USH2A: variants seen among roughly 807,000 people sequenced by gnomAD.
USH2A encodes the protein Usher syndrome 2A (autosomal recessive, mild).
Under a neutral mutation model 538.9 loss-of-function variants are expected in USH2A, and 443 were observed. The observed-to-expected ratio is 0.82, with a 90% CI of 0.76 to 0.89. The LOEUF is 0.89. USH2A is among the 40% of genes least tolerant of loss of function. USH2A has a pLI of 0.00. For synonymous variants in USH2A, 2,413 were observed against 2,273.5 expected, an observed-to-expected ratio of 1.06 and a Z score of -1.75; for missense variants, 6,633 against 6,324.8, an observed-to-expected ratio of 1.05 and a Z score of -1.65.
intron 58 of USH2A, among the ~76,000 whole-genome samples, chr1:215,745,734 T>C (rs984577797): frequency 6.6e-6 from 1 of 152,224 alleles, no homozygotes; most frequent in African/African-American, 2.4e-5. Flanking sequence ...TAGGCCCATC[T>C]GATATCAACA....
chr1:215,675,936 A>G (rs1441913329), intron 62 of USH2A, among the ~76,000 whole-genome samples: 2 of 151,900 alleles, frequency 1.3e-5, no homozygotes, highest in Admixed American at 1.3e-4. Flanking sequence ...TCCTATTTGT[A>G]TTTTTTTAAA....
At chr1:215,742,192 A>G (rs991259536) in intron 59 of USH2A, among the ~76,000 whole-genome samples, 3 of 152,216 alleles carry the variant, frequency 2.0e-5, no homozygotes, top group African/African-American at 7.2e-5. Context: ...ATTTCTGATG[A>G]GTTCAGCAGA....
intron 9 of USH2A, among the ~76,000 whole-genome samples, chr1:216,312,632 T>G (rs560280234): frequency 3.3e-5 from 5 of 152,146 alleles, no homozygotes; most frequent in Admixed American, 1.3e-4. Flanking sequence ...TAGCTTTTCT[T>G]TTTGCTTCTT....
chr1:216,294,979 A>G (rs1319876766), intron 9 of USH2A, among the ~76,000 whole-genome samples: 1 of 151,788 alleles, frequency 6.6e-6, no homozygotes, highest in Non-Finnish European at 1.5e-5. Flanking sequence ...TTTTAAATAT[A>G]CAGTTATATT....
intron 32 of USH2A, among the ~76,000 whole-genome samples, chr1:216,006,741 T>C (rs559228629): frequency 6.6e-6 from 1 of 152,212 alleles, no homozygotes; most frequent in Non-Finnish European, 1.5e-5. Flanking sequence ...GGGTTTACAT[T>C]GAAGCCCTTA....
chr1:216,117,757 C>G (rs1275006843), intron 21 of USH2A, among the ~76,000 whole-genome samples: 1 of 151,268 alleles, frequency 6.6e-6, no homozygotes, highest in Admixed American at 6.6e-5. Context: ...TCACTCTGAC[C>G]TCATATACAC....
intron 21 of USH2A, among the ~76,000 whole-genome samples, chr1:216,129,465 C>T (rs901019700): frequency 6.6e-6 from 1 of 151,408 alleles, no homozygotes; most frequent in African/African-American, 2.4e-5. Context: ...CATTTGTAAT[C>T]GCCACAAATA....
intron 21 of USH2A, chr1:216,173,841 A>T (rs1375679138): frequency 1.9e-6 from 1 of 528,178 alleles, no homozygotes; most frequent in Non-Finnish European, 2.4e-6. Flanking sequence ...GAAGAAACAC[A>T]TCTCAAGCCA....
chr1:216,035,139 T>C (rs547286327), intron 32 of USH2A, among the ~76,000 whole-genome samples: 35 of 152,312 alleles, frequency 2.3e-4, no homozygotes, highest in Admixed American at 1.1e-3. Context: ...TAGAATGTTA[T>C]TAATCACAGC....
intron 38 of USH2A, among the ~76,000 whole-genome samples, chr1:215,924,503 A>G (rs1666185953): frequency 6.6e-6 from 1 of 152,116 alleles, no homozygotes; most frequent in Non-Finnish European, 1.5e-5. Flanking sequence ...GAGGAACAAG[A>G]TATTATTTTA....
At chr1:215,752,443 G>A (rs1175912905) in intron 58 of USH2A, among the ~76,000 whole-genome samples, 4 of 152,144 alleles carry the variant, frequency 2.6e-5, no homozygotes, top group East Asian at 3.8e-4. Flanking sequence ...ATGGGAGACA[G>A]GGGAATATTT....
At chr1:215,635,705 G>A (rs1004056894) in intron 69 of USH2A, among the ~76,000 whole-genome samples, 85 of 151,938 alleles carry the variant, frequency 5.6e-4, no homozygotes, top group African/African-American at 1.9e-3. Flanking sequence ...ACAGGTGTGC[G>A]CCACTATGCC....
At chr1:215,796,115 C>T (rs995555371) in intron 50 of USH2A, among the ~76,000 whole-genome samples, 4 of 152,116 alleles carry the variant, frequency 2.6e-5, no homozygotes, top group South Asian at 2.1e-4. Context: ...AGTCTGCATT[C>T]GATCTGTTGC....
chr1:215,996,191 G>A (rs1668131399), intron 34 of USH2A, among the ~76,000 whole-genome samples: 1 of 152,132 alleles, frequency 6.6e-6, no homozygotes, highest in Non-Finnish European at 1.5e-5. Flanking sequence ...GACTACAGAT[G>A]TAAGCCAGTG....
chr1:216,299,583 T>C (rs534823696), intron 9 of USH2A, among the ~76,000 whole-genome samples: 100 of 152,262 alleles, frequency 6.6e-4, no homozygotes, highest in Non-Finnish European at 1.2e-3. Context: ...TTATTACTAA[T>C]GTATTAAAAA....
chr1:216,086,748 C>T lies in USH2A; in HGVS notation c.4958G>A (p.Arg1653Gln), dbSNP rs372436408. The change falls in exon 24 of 72, where the codon CGA (arginine) becomes CAA (glutamine). Residue 1653 changes from arginine (R) to glutamine (Q), a missense_variant. Coordinates refer to ENST00000307340, the MANE Select transcript of USH2A (RefSeq NM_206933.4). ...NTGVFLGGLP[R>Q]SYTILRKDPE... ...ATCCTTCCTGAGGATGGTATAACTT[C>T]GCGGGAGCCCTCCCAGAAAGACTCC... The T allele has an allele frequency of 4.3e-5, 69 of 1,612,850 alleles. 1 individual carries two copies. Among genetic ancestry groups the T allele is most frequent in the Admixed American group, 4.0e-4 (24 of 59,868 alleles).
At chr1:216,119,016 G>T (rs537669469) in intron 21 of USH2A, among the ~76,000 whole-genome samples, 1 of 152,114 alleles carries the variant, frequency 6.6e-6, no homozygotes, top group Non-Finnish European at 1.5e-5. Context: ...ACAAAGGACT[G>T]GCTACATTCT....
At chr1:215,987,975 C>CT (rs1333837644) in intron 35 of USH2A, among the ~76,000 whole-genome samples, 2 of 152,032 alleles carry the variant, frequency 1.3e-5, no homozygotes, top group Non-Finnish European at 2.9e-5. Context: ...TGTTCTTAAT[C>CT]TTTTTTTCTA....
chr1:216,055,720 T>C (rs1452945113), intron 30 of USH2A, among the ~76,000 whole-genome samples: 1 of 152,228 alleles, frequency 6.6e-6, no homozygotes, highest in Non-Finnish European at 1.5e-5. Flanking sequence ...GATTTGTTAT[T>C]GTTGTTTTTG....
Sources: gnomAD v4.1 joint callset for allele counts (sites outside exome capture counted in the v4.1 genomes callset) on GRCh38, gnomAD v4.1.1 for gene constraint, MANE v1.5 for transcripts, NCBI Gene and HGNC (gene_info 2026-07-23, HGNC 2026-07-21) for gene names.